Variants in AMMECR1 observed in about 807,000 individuals in gnomAD.
The protein encoded by AMMECR1 is nuclear protein AMMECR1.
AMMECR1 carries 3 observed loss-of-function variants against 22.5 expected under a neutral mutation model. That is an observed-to-expected ratio of 0.13 (90% confidence interval 0.06 to 0.35). The LOEUF (loss-of-function observed/expected upper bound fraction) is 0.35, where lower values mean the gene tolerates loss of function less well. Among genes scored for constraint, AMMECR1 ranks in the 10% least tolerant of loss-of-function variants. AMMECR1 has a pLI of 1.00. For synonymous variants in AMMECR1, 130 were observed against 116.7 expected (o/e 1.11, Z -0.74); for missense variants, 235 against 278.7 (o/e 0.84, Z 1.12).
At position 110,255,580 on chromosome X, in the gene AMMECR1, AACAT is replaced by A. The variant is rs1240977750; in HGVS notation, c.584+8905_584+8908del. 2.7e-5 allele frequency among the ~76,000 whole-genome samples: 3 copies of A among 111,995 alleles called. No individual in the cohort carries two copies. In the Admixed American group the frequency reaches 2.9e-4, roughly 11 times the overall value. ...GGAACCTTTTAAATCAGCTTTGTAG[AACAT>A]ACAAAGTAGTCCTGAAGGTAGTTGG... is the stretch of plus-strand genomic sequence containing the variant. On this transcript the variant is annotated intron_variant, in intron 2 of 5. Transcript: ENST00000262844.
chrX:110,390,599 A>C (rs1249516572), intron 2 of AMMECR1, among the ~76,000 whole-genome samples: 1 of 111,647 alleles, frequency 9.0e-6, no homozygotes, highest in Non-Finnish European at 1.9e-5. Flanking sequence ...CAGAGGGCTA[A>C]ATAGAAATTC....
intron 1 of AMMECR1, among the ~76,000 whole-genome samples, chrX:110,293,816 C>A (rs2067920883): frequency 2.7e-5 from 3 of 111,162 alleles, no homozygotes; most frequent in African/African-American, 9.8e-5. Flanking sequence ...GTCTGTGAAC[C>A]CAATGACTCA....
chrX:110,426,341 T>C (rs774891598), intron 2 of AMMECR1, among the ~76,000 whole-genome samples: 1 of 111,961 alleles, frequency 8.9e-6, no homozygotes, highest in African/African-American at 3.2e-5. Flanking sequence ...ATCTGTACCC[T>C]AATGGACAAT....
At chrX:110,349,222 G>A (rs948132284) in intron 2 of AMMECR1, among the ~76,000 whole-genome samples, 1 of 112,038 alleles carries the variant, frequency 8.9e-6, no homozygotes, top group Non-Finnish European at 1.9e-5. Context: ...TTCGTCAGAG[G>A]CCACATAGCT....
chrX:110,380,048 G>A (rs1188365650), intron 2 of AMMECR1, among the ~76,000 whole-genome samples: 1 of 111,730 alleles, frequency 9.0e-6, no homozygotes, highest in Non-Finnish European at 1.9e-5. Context: ...TTGAAACACA[G>A]GTCTGATTCC....
intron 2 of AMMECR1, among the ~76,000 whole-genome samples, chrX:110,375,606 A>C (rs1167695226): frequency 1.8e-5 from 2 of 112,031 alleles, no homozygotes; most frequent in African/African-American, 6.5e-5. Flanking sequence ...TGCCTCACAG[A>C]GTTATTATAA....
At chrX:110,409,593 TCTTGG>T (rs1308724939) in intron 2 of AMMECR1, among the ~76,000 whole-genome samples, 1 of 110,566 alleles carries the variant, frequency 9.0e-6, no homozygotes, top group Non-Finnish European at 1.9e-5. Flanking sequence ...TCTCAGGCTG[TCTTGG>T]CCTTCAGGCA....
chrX:110,312,586 A>C (rs778648399), intron 1 of AMMECR1, among the ~76,000 whole-genome samples: 2 of 112,322 alleles, frequency 1.8e-5, no homozygotes, highest in East Asian at 5.6e-4. Context: ...TTTCTTTTTA[A>C]CTAAATATAC....
At chrX:110,235,460 A>G (rs2067595422) in intron 2 of AMMECR1, among the ~76,000 whole-genome samples, 1 of 112,460 alleles carries the variant, frequency 8.9e-6, no homozygotes, top group Non-Finnish European at 1.9e-5. Flanking sequence ...TTACCATTTG[A>G]CCCAGCCATC....
chrX:110,310,204 G>A (rs1038086046), intron 1 of AMMECR1, among the ~76,000 whole-genome samples: 2 of 111,721 alleles, frequency 1.8e-5, no homozygotes, highest in African/African-American at 3.3e-5. Context: ...CCAACACTTG[G>A]AACTACACAT....
rs139321545 is a variant in AMMECR1 at position 110,205,337 on chromosome X, T to C, written c.700-2801A>G. Among the ~76,000 whole-genome samples, 38 of 111,879 alleles carry C rather than the reference T, an allele frequency of 3.4e-4. No homozygotes were observed. In the East Asian group the frequency reaches 9.6e-3, roughly 28 times the overall value. ...GAGCACCAAAACTAATTCCATATTGTTTCAGGGAGGCATCTGTCACAGCTA... is the reference window on the plus strand; with the variant it reads ...GAGCACCAAAACTAATTCCATATTGCTTCAGGGAGGCATCTGTCACAGCTA... On this transcript the variant is annotated intron_variant, in intron 3 of 5. Coordinates refer to ENST00000262844, the MANE Select transcript of AMMECR1 (RefSeq NM_015365.3).
intron 1 of AMMECR1, among the ~76,000 whole-genome samples, chrX:110,313,769 C>T (rs994971140): frequency 1.8e-5 from 2 of 111,633 alleles, no homozygotes; most frequent in Admixed American, 9.5e-5. Flanking sequence ...TCCCAAGAAC[C>T]TCAGACTCTT....
intron 2 of AMMECR1, among the ~76,000 whole-genome samples, chrX:110,333,427 T>C (rs1410778911): frequency 9.0e-6 from 1 of 111,701 alleles, no homozygotes; most frequent in Non-Finnish European, 1.9e-5. Context: ...GTGTGGCGAT[T>C]CCTGAAGGAT....
Position 110,352,191 on chromosome X carries a change from A to AT in AMMECR1, c.-147-34343dup, listed in dbSNP as rs778643499. Among the ~76,000 whole-genome samples, 3 of 112,417 alleles carry AT rather than the reference A, an allele frequency of 2.7e-5. No individual in the cohort carries two copies. In the Admixed American group the frequency reaches 2.8e-4, roughly 11 times the overall value. On this transcript the variant is annotated intron_variant, in intron 2 of 7. Coordinates refer to the AMMECR1 transcript ENST00000372057. Reference sequence around the variant, plus strand: ...TCAAAAAGTTAAACATAGAGTTATTATATGACCCATAAATTCTATTCCTAG... The same window carrying AT: ...TCAAAAAGTTAAACATAGAGTTATTATTATGACCCATAAATTCTATTCCTAG...
At chrX:110,230,670 G>A (rs956905255) in intron 2 of AMMECR1, among the ~76,000 whole-genome samples, 1 of 112,113 alleles carries the variant, frequency 8.9e-6, no homozygotes, top group Admixed American at 9.4e-5. Context: ...AAAGTGGGAC[G>A]GAGAATGACT....
chrX:110,284,656 A>G (rs2067869991), intron 1 of AMMECR1, among the ~76,000 whole-genome samples: 1 of 112,227 alleles, frequency 8.9e-6, no homozygotes, highest in Non-Finnish European at 1.9e-5. Flanking sequence ...ATCTAGGTGA[A>G]GCCAGAAGAC....
chrX:110,333,425 A>G (rs2068128787), intron 2 of AMMECR1, among the ~76,000 whole-genome samples: 1 of 111,847 alleles, frequency 8.9e-6, no homozygotes, highest in African/African-American at 3.3e-5. Flanking sequence ...CAGTGTGGCG[A>G]TTCCTGAAGG....
chrX:110,277,459 C>T (rs1449795264), intron 1 of AMMECR1, among the ~76,000 whole-genome samples: 1 of 110,249 alleles, frequency 9.1e-6, no homozygotes, highest in Non-Finnish European at 1.9e-5. Flanking sequence ...AGGAGATATA[C>T]CTAATGTAAA....
chrX:110,425,984 A>G (rs949828760), intron 2 of AMMECR1, among the ~76,000 whole-genome samples: 18 of 112,144 alleles, frequency 1.6e-4, no homozygotes, highest in African/African-American at 5.8e-4. Flanking sequence ...GTGCGCGCAC[A>G]CACACACACA....
Sources: gnomAD v4.1 joint callset for allele counts (sites outside exome capture counted in the v4.1 genomes callset) on GRCh38, gnomAD v4.1.1 for gene constraint, MANE v1.5 for transcripts, NCBI Gene and HGNC (gene_info 2026-07-23, HGNC 2026-07-21) for gene names.